The following KEL variants were observed in gnomAD, a reference collection of about 807,000 sequenced individuals.
KEL encodes Kell metallo-endopeptidase (Kell blood group), also known as kell blood group glycoprotein.
Under a neutral mutation model 99.5 loss-of-function variants are expected in KEL, and 96 were observed. The ratio of observed to expected loss-of-function variants is 0.97; its 90% confidence interval spans 0.82 to 1.14. The LOEUF is 1.14. KEL is among the 50% of genes most tolerant of loss of function. The pLI is 0.00. For synonymous variants in KEL, 355 were observed against 354.8 expected (o/e 1.00, Z -0.01); for missense variants, 926 against 924.2 (o/e 1.00, Z -0.03).
At chr7:142,950,877 C>T (rs1320539311) in intron 10 of KEL, among the ~76,000 whole-genome samples, 2 of 152,106 alleles carry the variant, frequency 1.3e-5, no homozygotes, top group Non-Finnish European at 1.5e-5. Context: ...GGAGTCTGTT[C>T]ACTTACTTGT....
rs911607332 is a variant in KEL at position 142,961,868 on chromosome 7, C to A, written c.8G>T (p.Gly3Val). The A allele has an allele frequency of 3.7e-6, 6 of 1,614,070 alleles. No homozygotes were observed. The highest frequency in any genetic ancestry group is 1.1e-5 in the South Asian group (1 of 91,078). ME[G>V]GDQSEEEPRE... ...CGGCTCTTCCTCACTTTGGTCCCCACCTTCCTGAAGTGAGTGGAGGGAGAA... is the reference window on the plus strand; with the variant it reads ...CGGCTCTTCCTCACTTTGGTCCCCAACTTCCTGAAGTGAGTGGAGGGAGAA... Residue 3 changes from glycine to valine, a missense_variant, in exon 2 of 19, where the codon GGT becomes GTT. Coordinates refer to ENST00000355265, the MANE Select transcript of KEL (RefSeq NM_000420.3).
In KEL at chr7:142,960,946, G is replaced by T; in HGVS notation, c.382C>A (p.Arg128=). 6.2e-7 allele frequency: 1 copy of T among 1,614,192 alleles called. No individual in the cohort carries two copies. Residue 128 remains arginine (R), a synonymous_variant, in exon 4 of 19, where the codon CGA becomes AGA. Transcript: ENST00000355265. ...TCCTCACCCAGTATTCTCCGAAGTC[G>T]GTTTTTGTTCTTTGTGGCAAGCTCC... ...FQELATKNKN[R]LRRILEVQNS...
chr7:142,952,895 A>T (rs1207327017), intron 9 of KEL, among the ~76,000 whole-genome samples: 1 of 152,196 alleles, frequency 6.6e-6, no homozygotes, highest in East Asian at 1.9e-4. Context: ...TCTGGGCTAG[A>T]TGGAGTCTGG....
chr7:142,961,566 A>G (rs1385068648), intron 2 of KEL, 65 bp from the exon 3 acceptor site: 5 of 1,522,572 alleles, frequency 3.3e-6, no homozygotes, highest in Non-Finnish European at 4.5e-6. Flanking sequence ...TGGGAAGAAG[A>G]GGAGAGAGAA....
intron 10 of KEL, among the ~76,000 whole-genome samples, chr7:142,948,899 GAC>G (rs72104159): frequency 2.3e-3 from 330 of 141,400 alleles, no homozygotes; most frequent in Middle Eastern, 3.6e-3. Flanking sequence ...AAGCTTCACA[GAC>G]ACACACACAC....
In KEL at chr7:142,941,406, C is replaced by T. The variant is rs776240387; in HGVS notation, c.2045G>A (p.Cys682Tyr). Residue 682 changes from cysteine (C) to tyrosine (Y), a missense_variant, in exon 19 of 19, where the codon TGT (cysteine) becomes TAT (tyrosine). Transcript: ENST00000355265. ...AGAGTCCTGGGGGCTGGGCTTCCTA[C>T]ACATCACCTGAGCAGGAAGAGAGGT... The part of the protein sequence containing the change: ...IFFRSYAQVM[C>Y]RKPSPQDSHD... 3 of 1,597,906 alleles carry T rather than the reference C, an allele frequency of 1.9e-6. No individual in the cohort carries two copies. Among genetic ancestry groups the T allele is most frequent in the Non-Finnish European group, 2.6e-6 (3 of 1,169,368 alleles).
intron 4 of KEL, among the ~76,000 whole-genome samples, chr7:142,958,794 A>T (rs1796890752): frequency 6.6e-6 from 1 of 152,172 alleles, no homozygotes; most frequent in African/African-American, 2.4e-5. Flanking sequence ...AACATTTGTC[A>T]CCTATTGTCT....
intron 10 of KEL, among the ~76,000 whole-genome samples, chr7:142,951,787 T>C (rs1418143716): frequency 1.3e-5 from 2 of 152,094 alleles, no homozygotes; most frequent in East Asian, 1.9e-4. Context: ...GGCAGGGAAA[T>C]GGACCACAAA....
At chr7:142,951,872 AC>A (rs906761288) in intron 10 of KEL, among the ~76,000 whole-genome samples, 10 of 152,108 alleles carry the variant, frequency 6.6e-5, no homozygotes, top group African/African-American at 2.4e-4. Context: ...TATCCAATGT[AC>A]TAGACTCTTC....
At chr7:142,956,599 C>G (rs778609667) in intron 6 of KEL, among the ~76,000 whole-genome samples, 12 of 152,168 alleles carry the variant, frequency 7.9e-5, no homozygotes. Context: ...ACTGACTCCA[C>G]GAAGGAATCA....
intron 10 of KEL, among the ~76,000 whole-genome samples, chr7:142,950,477 C>T (rs8176003): frequency 0.016 from 2,399 of 152,308 alleles, 21 homozygotes; most frequent in African/African-American, 0.021. Context: ...CTGCCTCCTG[C>T]CCTGTCCCCA....
chr7:142,946,171 G>GT lies in KEL; in HGVS notation c.1314+35dup. On this transcript the variant is annotated intron_variant, in intron 11 of 18. Coordinates refer to ENST00000355265, the MANE Select transcript of KEL (RefSeq NM_000420.3). ...GGAAGGCTGCTTTGGGTAGGAAGGG[G>GT]TGGAGGGATGTGGGCTGGGAAGAGC... The GT allele has an allele frequency of 3.5e-6, 5 of 1,421,696 alleles. No individual in the cohort carries two copies. In the East Asian group the frequency reaches 1.1e-4, roughly 32 times the overall value. The allele number at this position is 1,421,696 out of a possible 1,614,324, so 88.1% of individuals were successfully genotyped here.
At position 142,961,443 on chromosome 7, in the gene KEL, C is replaced by G. The variant is rs370130119; in HGVS notation, c.140G>C (p.Arg47Pro). The G allele has an allele frequency of 3.0e-5, 49 of 1,612,778 alleles. No individual in the cohort carries two copies. The highest frequency in any genetic ancestry group is 3.5e-4 in the Middle Eastern group (2 of 5,796). ...CAAAATCAGGATAGCTGTCAGCACC[C>G]GCCTGGCCACTGCCCATGGCCTGCT... ...EGSRPWAVAR[R>P]VLTAILILGL... Residue 47 changes from arginine (R) to proline (P), a missense_variant, in exon 3 of 19, where the codon CGG becomes CCG. Physicochemically the swap from Arg to Pro is moderately radical, Grantham distance 103. Transcript: ENST00000355265.
chr7:142,941,268 C>A lies in KEL; in HGVS notation c.2183G>T (p.Arg728Leu), dbSNP rs201835469. Residue 728 changes from arginine (R) to leucine (L), a missense_variant, in exon 19 of 19, where the codon CGC (arginine) becomes CTC (leucine). Physicochemically the swap from Arg to Leu is moderately radical, Grantham distance 102. Transcript: ENST00000355265. The part of the protein sequence containing the change: ...ARGALLNPSS[R>L]CQLW ...GTAACCAAGTTACCAGAGCTGGCAG[C>A]GGCTGGAGGGGTTCAAGAGAGCACC... is the stretch of plus-strand genomic sequence containing the variant. The A allele has an allele frequency of 2.0e-5, 33 of 1,614,044 alleles. No homozygotes were observed. The highest frequency in any genetic ancestry group is 1.4e-4 in the South Asian group (13 of 91,080).
Position 142,953,945 on chromosome 7 carries a change from G to A in KEL, c.936C>T (p.Pro312=), listed in dbSNP as rs139319150. 1,507 of 1,614,010 alleles carry A rather than the reference G, an allele frequency of 9.3e-4. 4 individuals carry two copies. Among genetic ancestry groups the A allele is most frequent in the African/African-American group, 1.9e-3 (139 of 75,032 alleles). The change falls in exon 9 of 19, where the codon CCC becomes CCT. Residue 312 remains proline, a synonymous_variant. Coordinates refer to ENST00000355265, the MANE Select transcript of KEL (RefSeq NM_000420.3). ...GCAAGCAGGACAACCAGTCGATGGC[G>A]GGGGCCATTTCCTTAGAGGAGGGAC... is the stretch of plus-strand genomic sequence containing the variant. The part of the protein sequence containing the change: ...VTIDQLKEMA[P]AIDWLSCLQA...
chr7:142,945,247 C>A (rs1796493845), intron 11 of KEL, among the ~76,000 whole-genome samples: 1 of 152,210 alleles, frequency 6.6e-6, no homozygotes, highest in African/African-American at 2.4e-5. Context: ...CAGCCACCTG[C>A]CATCTCATGT....
rs752806613 is a variant in KEL, at chr7:142,946,297, C to T, written c.1224G>A (p.Met408Ile). The T allele has an allele frequency of 6.2e-6, 10 of 1,613,848 alleles. No homozygotes were observed. In the East Asian group the frequency reaches 2.0e-4, roughly 32 times the overall value. Residue 408 changes from methionine to isoleucine, a missense_variant, in exon 11 of 19, where the codon ATG (methionine) becomes ATA (isoleucine). Physicochemically the swap from Met to Ile is conservative, Grantham distance 10. Coordinates refer to ENST00000355265, the MANE Select transcript of KEL (RefSeq NM_000420.3). ...QPPMPARPRWMKCVEETGTFF... is the reference protein window; with the variant it reads ...QPPMPARPRWIKCVEETGTFF... Reference sequence around the variant, plus strand: ...ACGTGCCTGTCTCCTCCACGCACTTCATCCATCGTGGGCGGGCAGGCTATG... The same window carrying T: ...ACGTGCCTGTCTCCTCCACGCACTTTATCCATCGTGGGCGGGCAGGCTATG...
chr7:142,960,065 G>A (rs1176219602), intron 4 of KEL, among the ~76,000 whole-genome samples: 2 of 152,080 alleles, frequency 1.3e-5, no homozygotes, highest in African/African-American at 4.8e-5. Context: ...CTCAGTTTCA[G>A]CTCATCCTTC....
Position 142,961,494 on chromosome 7 carries a change from G to C in KEL, c.89C>G (p.Pro30Arg). ...CCCTTCCACGGGCAGCCTCTCTTCT[G>C]GAGTGCTCTGTGGGAGGAACCAAGA... ...MGTLWSQEST[P>R]EERLPVEGSR... The change falls in exon 3 of 19, where the codon CCA becomes CGA. Residue 30 changes from proline to arginine, a missense_variant. Pro to Arg is a moderately radical substitution (Grantham distance 103). Transcript: ENST00000355265. The C allele has an allele frequency of 6.3e-7, 1 of 1,596,306 alleles. No individual in the cohort carries two copies. Among genetic ancestry groups the C allele is most frequent in the Admixed American group, 1.8e-5 (1 of 56,206 alleles).
Sources: allele counts gnomAD v4.1 joint callset (sites outside exome capture counted in the v4.1 genomes callset), GRCh38; gene constraint gnomAD v4.1.1; transcripts MANE v1.5; gene names NCBI Gene and HGNC (gene_info 2026-07-23, HGNC 2026-07-21).